Variants in ZNF536 observed in about 807,000 individuals in gnomAD.
The protein encoded by ZNF536 is zinc finger protein 536.
In ZNF536, 13 loss-of-function variants were observed where a neutral mutation model predicts 84.5. The observed-to-expected ratio is 0.15, with a 90% CI of 0.10 to 0.24. The LOEUF (loss-of-function observed/expected upper bound fraction) is 0.24. Ranked by LOEUF, ZNF536 falls within the 10% of genes least tolerant of loss-of-function variation. The pLI, the probability that ZNF536 is intolerant of heterozygous loss-of-function variation, is 1.00. For synonymous variants in ZNF536, 811 were observed against 742.5 expected (o/e 1.09, Z -1.50); for missense variants, 1,536 against 1,747.5 (o/e 0.88, Z 2.16).
intron 2 of ZNF536, among the ~76,000 whole-genome samples, chr19:30,510,581 C>T (rs1012466725): frequency 3.3e-5 from 5 of 152,192 alleles, no homozygotes; most frequent in Admixed American, 6.5e-5. Context: ...TCTACAGAGA[C>T]GCGGGGATCG....
intron 1 of ZNF536, among the ~76,000 whole-genome samples, chr19:30,598,995 C>T (rs1177850873): frequency 1.9e-4 from 16 of 83,856 alleles, no homozygotes; most frequent in South Asian, 5.1e-4. Context: ...CTTCCTTCCT[C>T]CCTTCCTCCT....
intron 4 of ZNF536, among the ~76,000 whole-genome samples, chr19:30,551,171 C>T (rs745334667): frequency 5.3e-5 from 8 of 150,918 alleles, no homozygotes; most frequent in Admixed American, 2.6e-4. Flanking sequence ...TTTCAACTAC[C>T]TACGTAGGAC....
intron 2 of ZNF536, among the ~76,000 whole-genome samples, chr19:30,490,880 G>A (rs1445474757): frequency 3.9e-5 from 6 of 152,184 alleles, no homozygotes; most frequent in Non-Finnish European, 8.8e-5. Context: ...TGTTTGCCAG[G>A]CGCCCCAGCC....
intron 1 of ZNF536, among the ~76,000 whole-genome samples, chr19:30,571,535 C>T (rs1204311535): frequency 6.6e-6 from 1 of 152,138 alleles, no homozygotes; most frequent in Non-Finnish European, 1.5e-5. Context: ...GCCATGGCAG[C>T]AAAGCAGAGA....
At chr19:30,535,195 G>A (rs769848358) in intron 3 of ZNF536, among the ~76,000 whole-genome samples, 196 bp downstream of exon 3, 5 of 152,124 alleles carry the variant, frequency 3.3e-5, no homozygotes, top group African/African-American at 4.8e-5. Flanking sequence ...CATTCACCTC[G>A]CAAATGACTC....
chr19:30,440,904 TAG>T (rs2052009826), intron 1 of ZNF536, among the ~76,000 whole-genome samples: 2 of 150,658 alleles, frequency 1.3e-5, no homozygotes, highest in South Asian at 4.2e-4. Flanking sequence ...GATAGATAGA[TAG>T]ATAGATAGAT....
At chr19:30,610,888 G>A (rs1018009733) in intron 1 of ZNF536, among the ~76,000 whole-genome samples, 1 of 152,140 alleles carries the variant, frequency 6.6e-6, no homozygotes, top group Admixed American at 6.5e-5. Context: ...TCAAAATGTA[G>A]CCTCTACCAA....
In ZNF536 at chr19:30,286,339, C is replaced by A. The variant is rs146312503; in HGVS notation, c.-120+2198C>A. Among the ~76,000 whole-genome samples the A allele has an allele frequency of 1.3e-4, 20 of 152,250 alleles. 1 individual carries two copies. The East Asian group carries it at 3.7e-3, about 28-fold the overall frequency. On this transcript the variant is annotated intron_variant, in intron 2 of 5. Transcript: ENST00000585628. Reference sequence around the variant, plus strand: ...ATGTGGCTTCAGCCAGCACCACAGTCCTCACAGCCCCAGAGACCTTCAACA... The same window carrying A: ...ATGTGGCTTCAGCCAGCACCACAGTACTCACAGCCCCAGAGACCTTCAACA...
At chr19:30,641,981 T>G (rs1402441743) in intron 1 of ZNF536, among the ~76,000 whole-genome samples, 2 of 152,196 alleles carry the variant, frequency 1.3e-5, no homozygotes, top group East Asian at 3.9e-4. Context: ...AGATTGGCCA[T>G]GCACTTGCAG....
At chr19:30,301,070 C>A (rs986121966) in intron 2 of ZNF536, among the ~76,000 whole-genome samples, 1 of 152,100 alleles carries the variant, frequency 6.6e-6, no homozygotes. Context: ...GGTTCTGGGA[C>A]GCCCCATCAG....
intron 2 of ZNF536, among the ~76,000 whole-genome samples, chr19:30,343,705 C>T (rs2047637539): frequency 6.6e-6 from 1 of 152,192 alleles, no homozygotes; most frequent in South Asian, 2.1e-4. Flanking sequence ...CCTTTCTTGT[C>T]TGTAGCTGAG....
chr19:30,577,372 G>A (rs1029926026), intron 1 of ZNF536, among the ~76,000 whole-genome samples: 3 of 152,152 alleles, frequency 2.0e-5, no homozygotes, highest in Non-Finnish European at 4.4e-5. Flanking sequence ...GTTCTTGGGG[G>A]TTGGGGTAAT....
At chr19:30,546,614 A>T (rs2045568278) in intron 3 of ZNF536, among the ~76,000 whole-genome samples, 1 of 152,190 alleles carries the variant, frequency 6.6e-6, no homozygotes, top group African/African-American at 2.4e-5. Flanking sequence ...CTGAGACTAG[A>T]CACAGTGAAA....
At chr19:30,677,115 G>A (rs950921987) in intron 1 of ZNF536, among the ~76,000 whole-genome samples, 4 of 152,164 alleles carry the variant, frequency 2.6e-5, no homozygotes, top group Non-Finnish European at 2.9e-5. Flanking sequence ...ACAATTATGA[G>A]CCCAAATTAA....
intron 2 of ZNF536, among the ~76,000 whole-genome samples, chr19:30,308,137 C>T (rs1335850326): frequency 6.6e-6 from 1 of 152,170 alleles, no homozygotes; most frequent in African/African-American, 2.4e-5. Flanking sequence ...GGTGTCAGCC[C>T]TCACCTGTGG....
At chr19:30,388,551 C>A (rs1159225295) in intron 1 of ZNF536, among the ~76,000 whole-genome samples, 28 of 152,244 alleles carry the variant, frequency 1.8e-4, no homozygotes, top group Non-Finnish European at 2.9e-5. Flanking sequence ...GCAGAGCCCT[C>A]CACGATCGCC....
At chr19:30,585,257 C>T (rs1390793304) in intron 1 of ZNF536, among the ~76,000 whole-genome samples, 3 of 152,198 alleles carry the variant, frequency 2.0e-5, no homozygotes, top group Non-Finnish European at 4.4e-5. Context: ...GCTTTCTGTA[C>T]ATGGACACTT....
chr19:30,674,327 G>A (rs62103454), intron 1 of ZNF536, among the ~76,000 whole-genome samples: 1 of 152,242 alleles, frequency 6.6e-6, no homozygotes, highest in Admixed American at 6.5e-5. Context: ...GGCTGCCCGG[G>A]GATGGAGAGG....
chr19:30,258,787 C>T (rs929105909), intron 1 of ZNF536, among the ~76,000 whole-genome samples: 13 of 151,512 alleles, frequency 8.6e-5, no homozygotes, highest in Admixed American at 5.9e-4. Context: ...GCATGATCTC[C>T]GTTCACTGCA....
Sources: gnomAD v4.1 joint callset for allele counts (sites outside exome capture counted in the v4.1 genomes callset) on GRCh38, gnomAD v4.1.1 for gene constraint, MANE v1.5 for transcripts, NCBI Gene and HGNC (gene_info 2026-07-23, HGNC 2026-07-21) for gene names.